The following SYNE1 variants were observed in gnomAD, a reference collection of about 807,000 sequenced individuals.
SYNE1 encodes nesprin-1.
In SYNE1, 616 loss-of-function variants were observed where a neutral mutation model predicts 1,111.0. The observed-to-expected ratio is 0.55, with a 90% CI of 0.52 to 0.59. The LOEUF is 0.59. Ranked by LOEUF, SYNE1 falls within the 20% of genes least tolerant of loss-of-function variation. The pLI is 0.00. For synonymous variants in SYNE1, 3,855 were observed against 3,825.8 expected, an observed-to-expected ratio of 1.01 and a Z score of -0.28; for missense variants, 10,006 against 10,417.0, an observed-to-expected ratio of 0.96 and a Z score of 1.72.
At chr6:152,496,767 T>G (rs185927475) in intron 11 of SYNE1, among the ~76,000 whole-genome samples, 1 of 152,238 alleles carries the variant, frequency 6.6e-6, no homozygotes, top group Admixed American at 6.5e-5. Context: ...GGTCTCTGAG[T>G]CCAAGTCTGC....
At chr6:152,530,241 G>C (rs980787894) in intron 4 of SYNE1, among the ~76,000 whole-genome samples, 2 of 152,136 alleles carry the variant, frequency 1.3e-5, no homozygotes, top group African/African-American at 4.8e-5. Flanking sequence ...ACAACTAGTA[G>C]CCTTTCAATA....
intron 3 of SYNE1, 46 bp downstream of exon 3, chr6:152,628,219 A>C: frequency 6.3e-7 from 1 of 1,593,748 alleles, no homozygotes; most frequent in Non-Finnish European, 8.6e-7. Flanking sequence ...TTGTGGGTTA[A>C]GATGGTATTT....
At chr6:152,302,756 C>CA (rs1415726905) in intron 91 of SYNE1, among the ~76,000 whole-genome samples, 1 of 152,090 alleles carries the variant, frequency 6.6e-6, no homozygotes, top group Non-Finnish European at 1.5e-5. Context: ...ACTTGAAATG[C>CA]AATTCGGATT....
chr6:152,510,224 A>G lies in SYNE1; in HGVS notation c.550T>C (p.Leu184=), dbSNP rs1192867665. 1.2e-6 allele frequency: 2 copies of G among 1,613,460 alleles called. No homozygotes were observed. The highest frequency in any genetic ancestry group is 1.7e-6 in the Non-Finnish European group (2 of 1,179,850). Residue 184 remains leucine, a synonymous_variant, in exon 8 of 146, where the codon TTA becomes CTA. Transcript: ENST00000367255. ...GCTGTGTACTGAACCCACTTTAATA[A>G]AGCCTTCTTAGCATTTCCTTGGATC... ...TKIQGNAKKA[L]LKWVQYTAGK... is the part of the protein sequence containing the mutation.
intron 29 of SYNE1, among the ~76,000 whole-genome samples, chr6:152,446,550 A>T (rs2098594351): frequency 6.6e-6 from 1 of 152,190 alleles, no homozygotes; most frequent in Non-Finnish European, 1.5e-5. Context: ...GTTAGATGAG[A>T]AATCTCTGTG....
chr6:152,596,692 A>G (rs1362094364), intron 3 of SYNE1, among the ~76,000 whole-genome samples: 1 of 152,242 alleles, frequency 6.6e-6, no homozygotes, highest in African/African-American at 2.4e-5. Context: ...AGGAAAAGGT[A>G]TGGGAAGCAT....
intron 3 of SYNE1, among the ~76,000 whole-genome samples, chr6:152,607,355 G>A (rs1311336115): frequency 6.6e-6 from 1 of 152,124 alleles, no homozygotes; most frequent in South Asian, 2.1e-4. Context: ...CAGTGAGTAA[G>A]GAAGTCCTAT....
At chr6:152,467,904 T>C (rs1289227872) in intron 16 of SYNE1, among the ~76,000 whole-genome samples, 3 of 152,172 alleles carry the variant, frequency 2.0e-5, no homozygotes, top group Non-Finnish European at 4.4e-5. Context: ...TGAATCACTT[T>C]GGCAGAACTG....
intron 80 of SYNE1, 99 bp from the exon 81 acceptor site, chr6:152,325,401 A>G: frequency 8.7e-7 from 1 of 1,156,042 alleles, no homozygotes; most frequent in Non-Finnish European, 1.3e-6. Flanking sequence ...AAATTCCTGC[A>G]AAAGGAAATG....
intron 3 of SYNE1, chr6:152,546,466 A>AT (rs1435955803): frequency 6.6e-6 from 1 of 152,140 alleles, no homozygotes; most frequent in Non-Finnish European, 1.5e-5. Flanking sequence ...GACAGAAGTG[A>AT]TTTTAAGTGA....
chr6:152,278,382 G>T (rs888467314), intron 97 of SYNE1, 102 bp from the exon 98 acceptor site: 2 of 1,359,206 alleles, frequency 1.5e-6, no homozygotes, highest in African/African-American at 1.4e-5. Context: ...TTTACGAAAC[G>T]GACAGGCTTT....
chr6:152,140,173 T>G lies in SYNE1; in HGVS notation c.25247-12A>C. On this transcript the variant is annotated splice_polypyrimidine_tract_variant and intron_variant, in intron 139 of 145. Coordinates refer to ENST00000367255, the MANE Select transcript of SYNE1 (RefSeq NM_182961.4). ...TCGGTCAATCACACCTGGCAAGACATGCATAGAACAGTGAGGTTATTTTCC... is the reference window on the plus strand; with the variant it reads ...TCGGTCAATCACACCTGGCAAGACAGGCATAGAACAGTGAGGTTATTTTCC... The G allele has an allele frequency of 6.2e-7, 1 of 1,613,820 alleles. No individual in the cohort carries two copies. The highest frequency in any genetic ancestry group is 8.5e-7 in the Non-Finnish European group (1 of 1,179,720).
chr6:152,420,746 G>C (rs2098245250), intron 39 of SYNE1, among the ~76,000 whole-genome samples: 1 of 151,976 alleles, frequency 6.6e-6, no homozygotes, highest in South Asian at 2.1e-4. Flanking sequence ...TTTTTTTAGT[G>C]GTGTTTTGTT....
Position 152,218,247 on chromosome 6 carries a change from A to T in SYNE1, c.22191+10T>A. 5 of 1,614,014 alleles carry T rather than the reference A, an allele frequency of 3.1e-6. No individual in the cohort carries two copies. The highest frequency in any genetic ancestry group is 4.2e-6 in the Non-Finnish European group (5 of 1,179,948). Reference sequence around the variant, plus strand: ...TAAAAGATCTGGGACTCAGATTTGAACACACTTACCTTAAGTTCTTCCATC... The same window carrying T: ...TAAAAGATCTGGGACTCAGATTTGATCACACTTACCTTAAGTTCTTCCATC... On this transcript the variant is annotated intron_variant, in intron 121 of 145. Coordinates refer to ENST00000367255, the MANE Select transcript of SYNE1 (RefSeq NM_182961.4).
intron 128 of SYNE1, among the ~76,000 whole-genome samples, chr6:152,181,326 C>A (rs150039904): frequency 1.3e-5 from 2 of 152,132 alleles, no homozygotes; most frequent in Non-Finnish European, 2.9e-5. Context: ...GCAGGAGAGT[C>A]GCTTGGGCCC....
intron 3 of SYNE1, among the ~76,000 whole-genome samples, chr6:152,597,718 T>C (rs1344425921): frequency 6.6e-6 from 1 of 152,206 alleles, no homozygotes. Context: ...ATTCTTTCTT[T>C]TGTTGTAGCT....
At chr6:152,263,269 C>T (rs1005533711) in intron 100 of SYNE1, among the ~76,000 whole-genome samples, 2 of 152,052 alleles carry the variant, frequency 1.3e-5, no homozygotes, top group Non-Finnish European at 2.9e-5. Context: ...AGAGACAGTA[C>T]AGCACCTAGG....
intron 131 of SYNE1, 42 bp downstream of exon 131, chr6:152,164,121 T>C (rs752078042): frequency 3.1e-6 from 5 of 1,612,814 alleles, no homozygotes; most frequent in Non-Finnish European, 3.4e-6. Context: ...GGAGGACAGA[T>C]ATTCCATGGC....
intron 13 of SYNE1, 138 bp downstream of exon 13, chr6:152,484,697 T>C: frequency 1.1e-6 from 1 of 877,516 alleles, no homozygotes; most frequent in Non-Finnish European, 1.7e-6. Context: ...AGGCAAAGAT[T>C]CTCCCATAGT....
Sources: allele counts gnomAD v4.1 joint callset (sites outside exome capture counted in the v4.1 genomes callset), GRCh38; gene constraint gnomAD v4.1.1; transcripts MANE v1.5; gene names NCBI Gene and HGNC (gene_info 2026-07-23, HGNC 2026-07-21).